Variants in FAT4 observed in about 807,000 individuals in gnomAD.
FAT4 encodes FAT atypical cadherin 4.
A neutral mutation model predicts 303.9 loss-of-function variants in FAT4; 84 were observed. That is an observed-to-expected ratio of 0.28 (90% CI 0.23 to 0.33). FAT4 has a LOEUF of 0.33. Ranked by LOEUF, FAT4 falls within the 10% of genes least tolerant of loss-of-function variation. The probability of loss-of-function intolerance (pLI) is 1.00; values close to 1 mark genes in which losing one functional copy is unlikely to be tolerated. For synonymous variants in FAT4, 2,307 were observed against 2,298.8 expected, an observed-to-expected ratio of 1.00 and a Z score of -0.10; for missense variants, 6,005 against 6,146.8, an observed-to-expected ratio of 0.98 and a Z score of 0.77.
chr4:125,398,692 G>C (rs1391893610), intron 2 of FAT4, 92 bp from the exon 3 acceptor site: 1 of 1,297,358 alleles, frequency 7.7e-7, no homozygotes, highest in Non-Finnish European at 1.1e-6. Context: ...CATTTTGGCA[G>C]TCTTGATTGC....
intron 2 of FAT4, among the ~76,000 whole-genome samples, chr4:125,379,784 T>G (rs1269126456): frequency 2.7e-5 from 4 of 150,898 alleles, no homozygotes; most frequent in African/African-American, 9.7e-5. Flanking sequence ...AACTCTTTCT[T>G]AATCAAATTT....
At chr4:125,344,401 G>A (rs565156521) in intron 2 of FAT4, among the ~76,000 whole-genome samples, 6 of 152,104 alleles carry the variant, frequency 3.9e-5, no homozygotes, top group African/African-American at 1.4e-4. Flanking sequence ...TGAGTTTACT[G>A]AAGTGGAGAT....
At chr4:125,324,302 C>T (rs1731070200) in intron 2 of FAT4, among the ~76,000 whole-genome samples, 1 of 151,632 alleles carries the variant, frequency 6.6e-6, no homozygotes. Context: ...TACATAGGAA[C>T]ATGCAACTTA....
chr4:125,491,785 C>A lies in FAT4; in HGVS notation c.*17C>A. On this transcript the variant is annotated 3_prime_UTR_variant, in exon 18 of 18. Coordinates refer to ENST00000394329, the MANE Select transcript of FAT4 (RefSeq NM_001291303.3). The stretch of plus-strand genomic sequence containing the variant: ...TATGTGTGAAGTTTATGTACTGGCA[C>A]TATAAAATATAAAAACAAGAAATAA... 6.4e-7 allele frequency: 1 copy of A among 1,567,414 alleles called. No individual in the cohort carries two copies. Among genetic ancestry groups the A allele is most frequent in the Non-Finnish European group, 8.6e-7 (1 of 1,160,396 alleles).
chr4:125,361,367 C>T (rs981073092), intron 2 of FAT4, among the ~76,000 whole-genome samples: 34 of 152,002 alleles, frequency 2.2e-4, no homozygotes, highest in African/African-American at 3.1e-4. Context: ...ATTGTTAATC[C>T]GGAAGGCACA....
chr4:125,446,195 G>A (rs902664008), intron 8 of FAT4, 98 bp from the exon 9 acceptor site: 9 of 1,004,358 alleles, frequency 9.0e-6, no homozygotes, highest in South Asian at 1.7e-5. Context: ...TTCTTGTAAC[G>A]TTTTCTTGCA....
rs148864032 is a variant in FAT4, at chr4:125,451,811, A to G, written c.10801A>G (p.Thr3601Ala). Reference protein sequence around the residue: ...SGVPQMSSTGTVHITVIDQND... With the variant: ...SGVPQMSSTGAVHITVIDQND... ...TGTTCCTCAAATGTCTTCCACAGGA[A>G]CTGTGCATATCACAGTTATAGACCA... is the stretch of plus-strand genomic sequence containing the variant. Residue 3601 changes from threonine (T) to alanine (A), a missense_variant, in exon 10 of 18, where the codon ACT (threonine) becomes GCT (alanine). Transcript: ENST00000394329. The G allele has an allele frequency of 2.5e-6, 4 of 1,614,126 alleles. No individual in the cohort carries two copies. In the East Asian group the frequency reaches 8.9e-5, roughly 36 times the overall value.
chr4:125,426,337 A>T (rs954502014), intron 7 of FAT4, among the ~76,000 whole-genome samples: 1 of 152,080 alleles, frequency 6.6e-6, no homozygotes, highest in African/African-American at 2.4e-5. Context: ...CAATAATTCT[A>T]TAAATCAAAT....
At chr4:125,339,289 GGGTTC>G (rs1179582770) in intron 2 of FAT4, among the ~76,000 whole-genome samples, 15 of 151,802 alleles carry the variant, frequency 9.9e-5, no homozygotes, top group African/African-American at 3.4e-4. Context: ...TCAGCCTCCC[GGGTTC>G]AAGCGATTCT....
intron 2 of FAT4, among the ~76,000 whole-genome samples, chr4:125,388,028 A>T (rs1233199276): frequency 6.6e-6 from 1 of 152,106 alleles, no homozygotes; most frequent in Non-Finnish European, 1.5e-5. Flanking sequence ...CAGTCTAAAA[A>T]CCTTCCAGCT....
In FAT4 at chr4:125,318,950, C is replaced by A. The variant is rs747850916; in HGVS notation, c.2539C>A (p.Gln847Lys). 2 of 1,614,160 alleles carry A rather than the reference C, an allele frequency of 1.2e-6. No homozygotes were observed. The highest frequency in any genetic ancestry group is 1.3e-5 in the African/African-American group (1 of 75,042). Residue 847 changes from glutamine to lysine, a missense_variant, in exon 2 of 18, where the codon CAG becomes AAG. Gln to Lys is a moderately conservative substitution (Grantham distance 53). Transcript: ENST00000394329. ...GMFAINQVTG[Q>K]LTTANVIDRE... ...GTTTGCTATCAACCAGGTCACTGGGCAGCTTACCACAGCAAATGTGATTGA... is the reference window on the plus strand; with the variant it reads ...GTTTGCTATCAACCAGGTCACTGGGAAGCTTACCACAGCAAATGTGATTGA...
chr4:125,385,013 TA>T (rs1733682075), intron 2 of FAT4, among the ~76,000 whole-genome samples: 2 of 61,374 alleles, frequency 3.3e-5, no homozygotes, highest in African/African-American at 9.8e-5. Flanking sequence ...TATATATATA[TA>T]TATATATATA....
intron 9 of FAT4, among the ~76,000 whole-genome samples, chr4:125,447,218 T>C (rs1218193867): frequency 6.6e-6 from 1 of 152,218 alleles, no homozygotes; most frequent in Non-Finnish European, 1.5e-5. Context: ...AAATCTGCCA[T>C]TTTAATTTTT....
chr4:125,397,725 A>G (rs1391409870), intron 2 of FAT4, among the ~76,000 whole-genome samples: 3 of 152,104 alleles, frequency 2.0e-5, no homozygotes, highest in Non-Finnish European at 2.9e-5. Context: ...TGACAGTCCT[A>G]CTTACTGCCT....
intron 2 of FAT4, among the ~76,000 whole-genome samples, chr4:125,342,886 T>G (rs1299324619): frequency 1.3e-5 from 2 of 152,088 alleles, no homozygotes; most frequent in Non-Finnish European, 2.9e-5. Context: ...TAGAGAAATA[T>G]TCCATCCAAT....
chr4:125,346,155 G>A (rs970649054), intron 2 of FAT4, among the ~76,000 whole-genome samples: 1 of 151,960 alleles, frequency 6.6e-6, no homozygotes, highest in African/African-American at 2.4e-5. Context: ...CTATGGTCAC[G>A]GTAGAGCAAC....
chr4:125,434,417 A>G lies in FAT4; in HGVS notation c.7191A>G (p.Ala2397=), dbSNP rs770551544. The G allele has an allele frequency of 1.4e-5, 22 of 1,613,762 alleles. No homozygotes were observed. Among genetic ancestry groups the G allele is most frequent in the Non-Finnish European group, 1.9e-5 (22 of 1,179,870 alleles). The change falls in exon 8 of 18, where the codon GCA becomes GCG. Residue 2397 remains alanine, a synonymous_variant. Transcript: ENST00000394329. ...NASDADASKN[A]VISYRIIGGN... ...CAGATGCTGATGCTTCAAAGAATGC[A>G]GTTATAAGGTCAGTACATTTTCCTT...
At chr4:125,419,912 CCAAT>C (rs1229914328) in intron 7 of FAT4, among the ~76,000 whole-genome samples, 3 of 152,228 alleles carry the variant, frequency 2.0e-5, no homozygotes, top group Non-Finnish European at 2.9e-5. Context: ...CCAATGCCAA[CCAAT>C]CAATCAGGCT....
Position 125,448,622 on chromosome 4 carries a change from T to G in FAT4, c.7612T>G (p.Phe2538Val). ...ACTAAACGGAGCTTCAGAAGTGACA[T>G]TTTCTGTGCATGTAAAAGATGGTGG... is the stretch of plus-strand genomic sequence containing the variant. ...GPLNGASEVT[F>V]SVHVKDGGSF... is the part of the protein sequence containing the mutation. The change falls in exon 10 of 18, where the codon TTT (phenylalanine) becomes GTT (valine). Residue 2538 changes from phenylalanine (F) to valine (V), a missense_variant. Phe to Val is a conservative substitution (Grantham distance 50). Coordinates refer to ENST00000394329, the MANE Select transcript of FAT4 (RefSeq NM_001291303.3). The G allele has an allele frequency of 6.2e-7, 1 of 1,613,950 alleles. No individual in the cohort carries two copies. Among genetic ancestry groups the G allele is most frequent in the African/African-American group, 1.3e-5 (1 of 75,008 alleles).
Sources: allele counts gnomAD v4.1 joint callset (sites outside exome capture counted in the v4.1 genomes callset), GRCh38; gene constraint gnomAD v4.1.1; transcripts MANE v1.5; gene names NCBI Gene and HGNC (gene_info 2026-07-23, HGNC 2026-07-21).